SLC39A11: variants seen among roughly 807,000 people sequenced by gnomAD.
SLC39A11 encodes solute carrier family 39 member 11.
SLC39A11 carries 33 observed loss-of-function variants against 36.1 expected under a neutral mutation model. The ratio of observed to expected loss-of-function variants is 0.91; its 90% CI spans 0.69 to 1.22. The LOEUF (loss-of-function observed/expected upper bound fraction) is 1.22. Among genes scored for constraint, SLC39A11 ranks in the 50% most tolerant of loss-of-function variants. The pLI, the probability that SLC39A11 is intolerant of heterozygous loss-of-function variation, is 0.00. For synonymous variants in SLC39A11, 166 were observed against 170.3 expected (o/e 0.97, Z 0.20); for missense variants, 432 against 430.3 (o/e 1.00, Z -0.03).
chr17:72,899,543 G>A (rs899383552), intron 5 of SLC39A11, among the ~76,000 whole-genome samples: 3 of 152,012 alleles, frequency 2.0e-5, no homozygotes, highest in Admixed American at 6.6e-5. Context: ...ATTCCTCTCC[G>A]GCCACATTCA....
chr17:72,987,597 G>A (rs1025494109), intron 4 of SLC39A11, among the ~76,000 whole-genome samples: 1 of 152,200 alleles, frequency 6.6e-6, no homozygotes, highest in Non-Finnish European at 1.5e-5. Flanking sequence ...GGGACTGAAT[G>A]GGCTATTAGG....
intron 4 of SLC39A11, among the ~76,000 whole-genome samples, chr17:73,021,942 T>C (rs542448468): frequency 6.6e-6 from 1 of 152,318 alleles, no homozygotes; most frequent in African/African-American, 2.4e-5. Context: ...GCCCACGCAG[T>C]GCGTGTGTGT....
chr17:72,867,763 C>A, intron 5 of SLC39A11, among the ~76,000 whole-genome samples: 1 of 82,884 alleles, frequency 1.2e-5, no homozygotes, highest in South Asian at 2.8e-4. Flanking sequence ...TGCGCGCGCA[C>A]ACACACACAC....
In SLC39A11 at chr17:72,914,320, G is replaced by GAA. The variant is rs145772163; in HGVS notation, c.430+33430_430+33431dup. On this transcript the variant is annotated intron_variant, in intron 5 of 9. Coordinates refer to ENST00000255559, the MANE Select transcript of SLC39A11 (RefSeq NM_139177.4). ...GACAGAGCGAGACTCCATCTCGGGG[G>GAA]AAAAAAAAAAGAAAAAAGAATACAA... 3.2e-4 allele frequency among the ~76,000 whole-genome samples: 45 copies of GAA among 141,488 alleles called. 1 individual carries two copies. The South Asian group carries it at 6.4e-3, about 20-fold the overall frequency. 92.8% of individuals were successfully genotyped at this position (141,488 alleles called of 152,430 possible). A position where few individuals can be genotyped will look rare whatever the true frequency, so the allele number is the denominator to read the frequency against.
intron 5 of SLC39A11, among the ~76,000 whole-genome samples, chr17:72,864,525 T>A (rs1224424008): frequency 6.6e-6 from 1 of 152,080 alleles, no homozygotes; most frequent in African/African-American, 2.4e-5. Context: ...GTTACTGCAG[T>A]CGTGAGTCCC....
chr17:72,861,740 TTATATATATATATATATATATATA>T (rs71945815), intron 5 of SLC39A11, among the ~76,000 whole-genome samples: 1,549 of 67,342 alleles, frequency 0.023, 56 homozygotes, highest in African/African-American at 0.046. Context: ...ACATTGGAGA[TTATATATATATATATATATATATA>T]TATATATATA....
intron 4 of SLC39A11, among the ~76,000 whole-genome samples, chr17:72,963,169 CTTT>C (rs5821936): frequency 8.7e-6 from 1 of 114,542 alleles, no homozygotes; most frequent in African/African-American, 3.5e-5. Flanking sequence ...TTTTTCCTTT[CTTT>C]TTTTTTTTTT....
chr17:72,991,471 C>A lies in SLC39A11; in HGVS notation c.306+40085G>T, dbSNP rs567848931. Among the ~76,000 whole-genome samples, 23 of 152,184 alleles carry A rather than the reference C, an allele frequency of 1.5e-4. No homozygotes were observed. The East Asian group carries it at 4.2e-3, about 28-fold the overall frequency. ...CTCCCGGGTTGAAGCAATTCTCCTG[C>A]CTCAGCCTCTCAAATAGCTGGGATT... On this transcript the variant is annotated intron_variant, in intron 4 of 9. Coordinates refer to ENST00000255559, the MANE Select transcript of SLC39A11 (RefSeq NM_139177.4).
chr17:72,803,929 C>T (rs1021612031), intron 6 of SLC39A11, among the ~76,000 whole-genome samples: 5 of 150,796 alleles, frequency 3.3e-5, no homozygotes, highest in African/African-American at 1.2e-4. Context: ...CAAACTCTTA[C>T]ACATGAATAC....
At chr17:72,819,247 C>A (rs528637021) in intron 6 of SLC39A11, among the ~76,000 whole-genome samples, 2 of 151,072 alleles carry the variant, frequency 1.3e-5, no homozygotes, top group East Asian at 3.9e-4. Context: ...AGCACAGAAT[C>A]GGACATACAT....
intron 4 of SLC39A11, among the ~76,000 whole-genome samples, chr17:72,983,116 GTGTTTTTTGTTGT>G (rs1346306942): frequency 4.0e-5 from 6 of 151,622 alleles, no homozygotes; most frequent in Admixed American, 6.6e-5. Flanking sequence ...AGTACCCAGG[GTGTTTTTTGTTGT>G]TGTTTTTTGT....
At chr17:72,865,524 G>A (rs2080259484) in intron 5 of SLC39A11, among the ~76,000 whole-genome samples, 1 of 151,498 alleles carries the variant, frequency 6.6e-6, no homozygotes, top group Admixed American at 6.6e-5. Context: ...ATAAAAGCTG[G>A]TTCCAGGGTA....
intron 4 of SLC39A11, among the ~76,000 whole-genome samples, chr17:72,949,008 T>C (rs896974601): frequency 6.6e-6 from 1 of 151,986 alleles, no homozygotes; most frequent in Non-Finnish European, 1.5e-5. Flanking sequence ...CACCTCCACT[T>C]TCATCCAAAC....
intron 2 of SLC39A11, among the ~76,000 whole-genome samples, chr17:73,085,289 C>T (rs1317564637): frequency 6.6e-6 from 1 of 151,960 alleles, no homozygotes; most frequent in Non-Finnish European, 1.5e-5. Flanking sequence ...GGCAGATCAC[C>T]TGAGGTCAGG....
chr17:72,923,988 T>A (rs1440637339), intron 5 of SLC39A11, among the ~76,000 whole-genome samples: 1 of 151,312 alleles, frequency 6.6e-6, no homozygotes, highest in African/African-American at 2.4e-5. Flanking sequence ...CTACAACAAA[T>A]TTTTAAAAAT....
chr17:73,063,755 C>T (rs2059916882), intron 3 of SLC39A11, among the ~76,000 whole-genome samples: 1 of 152,202 alleles, frequency 6.6e-6, no homozygotes, highest in Non-Finnish European at 1.5e-5. Flanking sequence ...TTTGGGGCTC[C>T]TGAGCCCATA....
intron 4 of SLC39A11, among the ~76,000 whole-genome samples, chr17:73,004,986 TTTTGTTTGTTTG>T (rs555751281): frequency 1.2e-4 from 18 of 151,952 alleles, no homozygotes; most frequent in Non-Finnish European, 2.4e-4. Flanking sequence ...ACATGTCATG[TTTTGTTTGTTTG>T]TTTGTTTGTT....
rs571787842 is a variant in SLC39A11, at chr17:72,759,991, T to G, written c.602-23272A>C. ...GTCTTAGGTCATGGAATCTTGTTTGTTTTTTTTCTTCACAGGTCACATATA... is the reference window on the plus strand; with the variant it reads ...GTCTTAGGTCATGGAATCTTGTTTGGTTTTTTTCTTCACAGGTCACATATA... On this transcript the variant is annotated intron_variant, in intron 6 of 9. Transcript: ENST00000255559. Among the ~76,000 whole-genome samples, 43 of 152,052 alleles carry G rather than the reference T, an allele frequency of 2.8e-4. No individual in the cohort carries two copies. In the East Asian group the frequency reaches 7.8e-3, roughly 28 times the overall value.
chr17:72,784,031 A>C (rs566589213), intron 6 of SLC39A11, among the ~76,000 whole-genome samples: 111 of 152,240 alleles, frequency 7.3e-4, no homozygotes, highest in Admixed American at 1.3e-3. Context: ...AAGCAAAGAA[A>C]GTATGAATGA....
Sources: allele counts gnomAD v4.1 joint callset (sites outside exome capture counted in the v4.1 genomes callset), GRCh38; gene constraint gnomAD v4.1.1; transcripts MANE v1.5; gene names NCBI Gene and HGNC (gene_info 2026-07-23, HGNC 2026-07-21).